LRRFIP1: variants seen among roughly 807,000 people sequenced by gnomAD.
LRRFIP1 encodes the protein leucine-rich repeat flightless-interacting protein 1.
Under a neutral mutation model 104.4 loss-of-function variants are expected in LRRFIP1, and 62 were observed. The ratio of observed to expected loss-of-function variants is 0.59; its 90% CI spans 0.48 to 0.73. The LOEUF (loss-of-function observed/expected upper bound fraction) is 0.73. Among genes scored for constraint, LRRFIP1 ranks in the 30% least tolerant of loss-of-function variants. The probability of loss-of-function intolerance (pLI) is 0.00; values close to 1 mark genes in which losing one functional copy is unlikely to be tolerated. For synonymous variants in LRRFIP1, 300 were observed against 299.0 expected, an observed-to-expected ratio of 1.00 and a Z score of -0.03; for missense variants, 796 against 824.5, an observed-to-expected ratio of 0.97 and a Z score of 0.42.
chr2:237,764,851 C>T (rs1220391491), intron 19 of LRRFIP1: 9 of 985,648 alleles, frequency 9.1e-6, no homozygotes, highest in African/African-American at 8.7e-5. Context: ...TTTAACTTCA[C>T]TTCATGCTGA....
chr2:237,741,206 G>A (rs1262296979), intron 11 of LRRFIP1, among the ~76,000 whole-genome samples: 1 of 152,174 alleles, frequency 6.6e-6, no homozygotes, highest in Non-Finnish European at 1.5e-5. Flanking sequence ...AGTGCATCAG[G>A]CAATAACAGG....
chr2:237,643,880 G>A (rs772470020), intron 1 of LRRFIP1, among the ~76,000 whole-genome samples: 10 of 152,184 alleles, frequency 6.6e-5, no homozygotes, highest in Non-Finnish European at 1.5e-4. Context: ...TTAAGGAAGC[G>A]GGATTTAATT....
At chr2:237,698,756 AGACCTGT>A (rs749838948) in intron 1 of LRRFIP1, among the ~76,000 whole-genome samples, 3 of 152,222 alleles carry the variant, frequency 2.0e-5, no homozygotes, top group Non-Finnish European at 4.4e-5. Context: ...CCAGGCACCC[AGACCTGT>A]GCTCTGAATT....
intron 19 of LRRFIP1, chr2:237,763,843 C>G: frequency 6.2e-7 from 1 of 1,614,192 alleles, no homozygotes; most frequent in Non-Finnish European, 8.5e-7. Context: ...TAGATGGTGC[C>G]ACTCAAAGCA....
chr2:237,773,133 C>A (rs1040712228), intron 22 of LRRFIP1, among the ~76,000 whole-genome samples, 188 bp downstream of exon 22: 6 of 152,194 alleles, frequency 3.9e-5, no homozygotes, highest in African/African-American at 1.4e-4. Context: ...GGAAAGAATT[C>A]TTAGAATTTA....
chr2:237,777,180 C>T (rs13402507), intron 23 of LRRFIP1, among the ~76,000 whole-genome samples: 3,298 of 152,272 alleles, frequency 0.022, 117 homozygotes, highest in African/African-American at 0.075. Flanking sequence ...TACACATGTA[C>T]ATCCACACAT....
intron 19 of LRRFIP1, among the ~76,000 whole-genome samples, chr2:237,761,284 G>A (rs1391169079): frequency 5.9e-5 from 9 of 152,182 alleles, no homozygotes; most frequent in Non-Finnish European, 8.8e-5. Context: ...CCAGCGCTGC[G>A]GGTGGCCAAG....
At chr2:237,645,555 A>G (rs2084758541) in intron 1 of LRRFIP1, among the ~76,000 whole-genome samples, 1 of 151,816 alleles carries the variant, frequency 6.6e-6, no homozygotes, top group South Asian at 2.1e-4. Context: ...CTCTCTCTGT[A>G]CTCCGGACCC....
At chr2:237,769,870 C>A (rs1307430827) in intron 19 of LRRFIP1, 73 bp from the exon 20 acceptor site, 2 of 1,069,364 alleles carry the variant, frequency 1.9e-6, no homozygotes, top group African/African-American at 3.1e-5. Flanking sequence ...AACGATCATT[C>A]TTCAGTTTAG....
intron 1 of LRRFIP1, among the ~76,000 whole-genome samples, chr2:237,679,780 G>T (rs918871242): frequency 3.1e-4 from 47 of 152,188 alleles, no homozygotes; most frequent in African/African-American, 1.1e-3. Context: ...AGCTAATTTT[G>T]TATTTTTAGT....
At chr2:237,639,491 T>G (rs2083588795) in intron 1 of LRRFIP1, among the ~76,000 whole-genome samples, 1 of 152,214 alleles carries the variant, frequency 6.6e-6, no homozygotes, top group Non-Finnish European at 1.5e-5. Context: ...TTCAAGCTGC[T>G]TCACCATCAA....
At chr2:237,738,209 G>T (rs937815226) in intron 10 of LRRFIP1, among the ~76,000 whole-genome samples, 1 of 151,810 alleles carries the variant, frequency 6.6e-6, no homozygotes, top group African/African-American at 2.4e-5. Flanking sequence ...ATGAAGATCT[G>T]GATGAGATCT....
intron 11 of LRRFIP1, among the ~76,000 whole-genome samples, chr2:237,743,572 C>T (rs2057404791): frequency 6.6e-6 from 1 of 152,148 alleles, no homozygotes; most frequent in African/African-American, 2.4e-5. Context: ...CCAGCACGAC[C>T]AGGATCTTCT....
intron 1 of LRRFIP1, among the ~76,000 whole-genome samples, chr2:237,673,284 G>T (rs1559514776): frequency 6.6e-6 from 1 of 152,222 alleles, no homozygotes; most frequent in Non-Finnish European, 1.5e-5. Context: ...GACAATGCGG[G>T]GACAGCGCTG....
intron 8 of LRRFIP1, 67 bp from the exon 9 acceptor site, chr2:237,733,707 C>G (rs941098609): frequency 6.8e-7 from 1 of 1,479,744 alleles, no homozygotes; most frequent in Admixed American, 1.7e-5. Flanking sequence ...TCGTGATGGC[C>G]TTTTGCTGTC....
Position 237,727,930 on chromosome 2 carries a change from G to A in LRRFIP1, c.439G>A (p.Gly147Ser). Residue 147 changes from glycine (G) to serine (S), a missense_variant, in exon 8 of 24, where the codon GGC (glycine) becomes AGC (serine). Gly to Ser is a moderately conservative substitution (Grantham distance 56, BLOSUM62 0). Transcript: ENST00000308482. ...ATCACAGTCCCTGAATAGAAGATCT[G>A]GCAGGGTTAGTATAGTAAATTTGCA... is the stretch of plus-strand genomic sequence containing the variant. ...YGSQSLNRRS[G>S]RPSCLYSAAR... The A allele has an allele frequency of 6.2e-7, 1 of 1,610,306 alleles. No homozygotes were observed. The highest frequency in any genetic ancestry group is 8.5e-7 in the Non-Finnish European group (1 of 1,177,916).
Position 237,691,459 on chromosome 2 carries a change from C to G in LRRFIP1, c.97-17085C>G, listed in dbSNP as rs2092746010. On this transcript the variant is annotated intron_variant, in intron 1 of 23. Coordinates refer to ENST00000308482, the MANE Select transcript of LRRFIP1 (RefSeq NM_001137550.2). The surrounding 1 kb of genome is among the most constrained non-coding windows in gnomAD (Gnocchi z 5.4). ...GCGGCCCGCACCCGCACCCTGCAAG[C>G]TCGTTCTCCCCTGCGGGCCGCCGCA... 6.6e-6 allele frequency among the ~76,000 whole-genome samples: 1 copy of G among 152,170 alleles called. No homozygotes were observed. The highest frequency in any genetic ancestry group is 2.4e-5 in the African/African-American group (1 of 41,426).
chr2:237,745,774 T>C (rs2057760571), intron 11 of LRRFIP1, among the ~76,000 whole-genome samples: 1 of 152,228 alleles, frequency 6.6e-6, no homozygotes. Flanking sequence ...TATCCATTGC[T>C]GACCAGCAGC....
At chr2:237,644,603 A>G (rs1419397239) in intron 1 of LRRFIP1, among the ~76,000 whole-genome samples, 2 of 152,210 alleles carry the variant, frequency 1.3e-5, no homozygotes, top group Non-Finnish European at 2.9e-5. Context: ...TGAAACCGGA[A>G]AGCTTAGTTA....
Sources: gnomAD v4.1 joint callset for allele counts (sites outside exome capture counted in the v4.1 genomes callset) on GRCh38, gnomAD v4.1.1 for gene constraint, Gnocchi (gnomAD v3.1) non-coding constraint, MANE v1.5 for transcripts, NCBI Gene and HGNC (gene_info 2026-07-23, HGNC 2026-07-21) for gene names.